Variants in ALDH1A2 observed in about 807,000 individuals in gnomAD.
ALDH1A2 encodes retinal dehydrogenase 2.
Under a neutral mutation model 60.3 loss-of-function variants are expected in ALDH1A2, and 27 were observed. That is an observed-to-expected ratio of 0.45 (90% CI 0.33 to 0.62). ALDH1A2 has a LOEUF of 0.62. ALDH1A2 is among the 20% of genes least tolerant of loss of function. ALDH1A2 has a pLI of 0.02. For missense variants in ALDH1A2, 581 were observed against 643.8 expected, an observed-to-expected ratio of 0.90 and a Z score of 1.06; for synonymous variants, 289 against 232.4, an observed-to-expected ratio of 1.24 and a Z score of -2.21.
intron 1 of ALDH1A2, among the ~76,000 whole-genome samples, chr15:58,048,536 A>C (rs1240464532): frequency 1.3e-5 from 2 of 152,052 alleles, no homozygotes; most frequent in Non-Finnish European, 2.9e-5. Flanking sequence ...TGAGAAGGGA[A>C]GTATGGATGG....
chr15:58,039,294 C>T lies in ALDH1A2; in HGVS notation c.118-25013G>A, dbSNP rs553383113. ...TTTATTAATAGTGACCATTCTGTGG[C>T]CTAGCTCTAAATCAGCAAAAGTATT... On this transcript the variant is annotated intron_variant, in intron 1 of 12. Coordinates refer to ENST00000249750, the MANE Select transcript of ALDH1A2 (RefSeq NM_003888.4). 5.9e-5 allele frequency among the ~76,000 whole-genome samples: 9 copies of T among 151,586 alleles called. No homozygotes were observed. In the East Asian group the frequency reaches 1.8e-3, roughly 30 times the overall value.
chr15:57,973,488 G>A (rs187241486), intron 7 of ALDH1A2, among the ~76,000 whole-genome samples: 13 of 152,266 alleles, frequency 8.5e-5, no homozygotes, highest in African/African-American at 3.1e-4. Context: ...CCATATTTAA[G>A]TGACATGTTC....
At chr15:58,020,282 C>T (rs1477228404) in intron 1 of ALDH1A2, among the ~76,000 whole-genome samples, 4 of 152,206 alleles carry the variant, frequency 2.6e-5, no homozygotes, top group South Asian at 2.1e-4. Flanking sequence ...AATGAACATA[C>T]GTGTGCATGT....
At chr15:58,045,826 A>G (rs1896627803) in intron 1 of ALDH1A2, among the ~76,000 whole-genome samples, 1 of 152,062 alleles carries the variant, frequency 6.6e-6, no homozygotes, top group African/African-American at 2.4e-5. Context: ...AACTTAAAGT[A>G]TAATTAAAAA....
intron 7 of ALDH1A2, 120 bp downstream of exon 7, chr15:57,992,585 G>A: frequency 1.1e-6 from 1 of 884,988 alleles, no homozygotes; most frequent in Middle Eastern, 2.1e-4. Context: ...TATCCTTTGT[G>A]GGCTTGGGTA....
At chr15:57,955,386 T>C in intron 12 of ALDH1A2, 117 bp from the exon 13 acceptor site, 1 of 1,079,414 alleles carries the variant, frequency 9.3e-7, no homozygotes, top group Non-Finnish European at 1.4e-6. Context: ...TCCTGGGATG[T>C]TCATGTAAAA....
chr15:58,047,557 T>C (rs1367471453), intron 1 of ALDH1A2, among the ~76,000 whole-genome samples: 1 of 151,998 alleles, frequency 6.6e-6, no homozygotes, highest in Non-Finnish European at 1.5e-5. Context: ...TTGATGATCA[T>C]CTCAGTATGG....
intron 12 of ALDH1A2, among the ~76,000 whole-genome samples, 197 bp downstream of exon 12, chr15:57,960,573 T>C (rs1893684974): frequency 6.6e-6 from 1 of 152,238 alleles, no homozygotes; most frequent in Non-Finnish European, 1.5e-5. Flanking sequence ...TTTTCCATTC[T>C]CACTTTGGGA....
chr15:58,048,280 C>T (rs780581398), intron 1 of ALDH1A2, among the ~76,000 whole-genome samples: 1 of 151,966 alleles, frequency 6.6e-6, no homozygotes, highest in South Asian at 2.1e-4. Context: ...GTTGTATGCC[C>T]AACACATTGT....
chr15:58,006,980 C>T (rs1450688300), intron 4 of ALDH1A2, among the ~76,000 whole-genome samples: 1 of 151,562 alleles, frequency 6.6e-6, no homozygotes, highest in African/African-American at 2.4e-5. Context: ...GTGTTGAGTG[C>T]TGTCTAGTGT....
chr15:58,028,064 C>T (rs1270029174), intron 1 of ALDH1A2, among the ~76,000 whole-genome samples: 1 of 152,116 alleles, frequency 6.6e-6, no homozygotes, highest in Non-Finnish European at 1.5e-5. Context: ...CAAAGATATT[C>T]CTCAAGAAGA....
intron 4 of ALDH1A2, 77 bp from the exon 5 acceptor site, chr15:57,995,216 GCAA>G: frequency 3.5e-5 from 10 of 283,580 alleles, no homozygotes; most frequent in South Asian, 1.6e-4. Flanking sequence ...TTTGGTGGCT[GCAA>G]AAAAAAAAAA....
chr15:58,040,886 C>A (rs1174192384), intron 1 of ALDH1A2, among the ~76,000 whole-genome samples: 1 of 151,794 alleles, frequency 6.6e-6, no homozygotes, highest in African/African-American at 2.4e-5. Flanking sequence ...TCATGTTTGT[C>A]CTGTTTATAG....
At chr15:57,957,946 G>C (rs1223068633) in intron 12 of ALDH1A2, among the ~76,000 whole-genome samples, 2 of 152,130 alleles carry the variant, frequency 1.3e-5, no homozygotes, top group African/African-American at 4.8e-5. Flanking sequence ...CGGAAGGCAG[G>C]TTGCTTTCAA....
Position 57,993,079 on chromosome 15 carries a change from A to T in ALDH1A2, c.556-6T>A, listed in dbSNP as rs372191854. 3 of 1,611,744 alleles carry T rather than the reference A, an allele frequency of 1.9e-6. No individual in the cohort carries two copies. The African/African-American group carries it at 4.0e-5, about 22-fold the overall frequency. On this transcript the variant is annotated splice_region_variant and splice_polypyrimidine_tract_variant and intron_variant, in intron 5 of 12. Transcript: ENST00000249750. ...ATCAGCAGGGGGAAGTTCCACTGAAAGGAAAAAACTCAAAGTTGATAGATG... is the reference window on the plus strand; with the variant it reads ...ATCAGCAGGGGGAAGTTCCACTGAATGGAAAAAACTCAAAGTTGATAGATG...
At chr15:58,058,432 C>G (rs1192450501) in intron 1 of ALDH1A2, among the ~76,000 whole-genome samples, 1 of 137,192 alleles carries the variant, frequency 7.3e-6, no homozygotes, top group Non-Finnish European at 1.5e-5. Context: ...CACTTTCTGA[C>G]TGTTTAATCT....
rs1445872405 is a variant in ALDH1A2 at position 57,962,078 on chromosome 15, C to CT, written c.1184dup (p.Phe397ValfsTer4). Reference sequence around the variant, plus strand: ...ACACTGTGGGCTCAATGAAAAACCCCTTTCGGCCCAGTCCTTTGCCTCCAC... The same window carrying CT: ...ACACTGTGGGCTCAATGAAAAACCCCTTTTCGGCCCAGTCCTTTGCCTCCAC... On this transcript the variant is annotated frameshift_variant, in exon 10 of 13. Coordinates refer to ENST00000249750, the MANE Select transcript of ALDH1A2 (RefSeq NM_003888.4). LOFTEE classifies it high-confidence loss of function. 1.2e-6 allele frequency: 2 copies of CT among 1,614,166 alleles called. No individual in the cohort carries two copies.
chr15:58,013,601 A>C (rs192793213), intron 3 of ALDH1A2, among the ~76,000 whole-genome samples: 5 of 152,142 alleles, frequency 3.3e-5, no homozygotes, highest in African/African-American at 1.2e-4. Context: ...AAAATACAAA[A>C]ATTAGCCAGG....
intron 1 of ALDH1A2, among the ~76,000 whole-genome samples, chr15:58,042,565 T>A (rs1224083130): frequency 6.6e-6 from 1 of 151,964 alleles, no homozygotes; most frequent in African/African-American, 2.4e-5. Context: ...AGGAGTCAAG[T>A]TTCTTGAAAT....
Sources: gnomAD v4.1 joint callset for allele counts (sites outside exome capture counted in the v4.1 genomes callset) on GRCh38, gnomAD v4.1.1 for gene constraint, MANE v1.5 for transcripts, NCBI Gene and HGNC (gene_info 2026-07-23, HGNC 2026-07-21) for gene names.